The following NUBPL variants were observed in gnomAD, a reference collection of about 807,000 sequenced individuals.
NUBPL encodes iron-sulfur cluster transfer protein NUBPL.
NUBPL carries 31 observed loss-of-function variants against 45.7 expected under a neutral mutation model. The observed-to-expected ratio is 0.68, with a 90% CI of 0.51 to 0.92. The LOEUF (loss-of-function observed/expected upper bound fraction) is 0.92, where lower values mean the gene tolerates loss of function less well. Among genes scored for constraint, NUBPL ranks in the 40% least tolerant of loss-of-function variants. The pLI, the probability that NUBPL is intolerant of heterozygous loss-of-function variation, is 0.00. For synonymous variants in NUBPL, 144 were observed against 140.9 expected (o/e 1.02, Z -0.15); for missense variants, 401 against 398.7 (o/e 1.01, Z -0.05).
intron 10 of NUBPL, among the ~76,000 whole-genome samples, chr14:31,854,221 A>G (rs745815229): frequency 5.3e-5 from 8 of 152,220 alleles, no homozygotes; most frequent in Non-Finnish European, 1.0e-4. Flanking sequence ...AGTTAATGGC[A>G]TAGCGGACAG....
At chr14:31,846,739 G>A (rs1595706512) in intron 9 of NUBPL, 148 bp downstream of exon 9, 6 of 1,271,994 alleles carry the variant, frequency 4.7e-6, no homozygotes, top group Admixed American at 2.0e-5. Flanking sequence ...GACAGATCAC[G>A]AGGTCAGGAG....
intron 3 of NUBPL, among the ~76,000 whole-genome samples, chr14:31,573,835 T>C (rs1331785586): frequency 1.3e-5 from 2 of 152,224 alleles, no homozygotes; most frequent in African/African-American, 4.8e-5. Flanking sequence ...AAAGTTTGTT[T>C]ACTATCTCCT....
At chr14:31,668,657 G>T (rs1328823348) in intron 4 of NUBPL, among the ~76,000 whole-genome samples, 1 of 152,200 alleles carries the variant, frequency 6.6e-6, no homozygotes, top group Non-Finnish European at 1.5e-5. Context: ...GCCCAGTTTT[G>T]TGCTTGAAAC....
At chr14:31,716,733 C>T (rs1853302681) in intron 6 of NUBPL, among the ~76,000 whole-genome samples, 1 of 152,296 alleles carries the variant, frequency 6.6e-6, no homozygotes, top group South Asian at 2.1e-4. Flanking sequence ...ATGGATATCT[C>T]AAAGTCCCAA....
intron 6 of NUBPL, among the ~76,000 whole-genome samples, chr14:31,787,550 GGAT>G (rs2039306081): frequency 1.3e-5 from 2 of 152,128 alleles, no homozygotes; most frequent in South Asian, 4.1e-4. Flanking sequence ...GTGTGTATGC[GGAT>G]GAGTCATCTG....
At chr14:31,652,095 C>CAT (rs1467237470) in intron 4 of NUBPL, among the ~76,000 whole-genome samples, 1 of 151,836 alleles carries the variant, frequency 6.6e-6, no homozygotes, top group Non-Finnish European at 1.5e-5. Flanking sequence ...CAGAATATAT[C>CAT]ATATATATAC....
chr14:31,821,295 A>C (rs1203711700), intron 7 of NUBPL, among the ~76,000 whole-genome samples: 1 of 152,180 alleles, frequency 6.6e-6, no homozygotes, highest in African/African-American at 2.4e-5. Context: ...TCAACTGACA[A>C]AGGATTTATA....
At chr14:31,806,500 T>C (rs1251537813) in intron 7 of NUBPL, among the ~76,000 whole-genome samples, 2 of 152,188 alleles carry the variant, frequency 1.3e-5, no homozygotes, top group African/African-American at 4.8e-5. Flanking sequence ...TAGAGCCATA[T>C]GTGTACAAGT....
At chr14:31,668,281 C>T (rs188062510) in intron 4 of NUBPL, among the ~76,000 whole-genome samples, 493 of 152,322 alleles carry the variant, frequency 3.2e-3, no homozygotes, top group Middle Eastern at 0.024. Flanking sequence ...TCTAGAGAGG[C>T]AGTCTGCCCA....
At chr14:31,633,212 C>T (rs2035390900) in intron 4 of NUBPL, among the ~76,000 whole-genome samples, 1 of 152,208 alleles carries the variant, frequency 6.6e-6, no homozygotes. Flanking sequence ...TGACCTACCT[C>T]TCTGCAGCAG....
At chr14:31,844,143 A>G (rs971786656) in intron 8 of NUBPL, 1 of 152,196 alleles carries the variant, frequency 6.6e-6, no homozygotes, top group Non-Finnish European at 1.5e-5. Flanking sequence ...TGTAAATCAC[A>G]CAAACTGCAA....
intron 4 of NUBPL, among the ~76,000 whole-genome samples, chr14:31,632,330 G>T (rs547935270): frequency 6.6e-6 from 1 of 152,276 alleles, no homozygotes; most frequent in Non-Finnish European, 1.5e-5. Context: ...GACACTTGGT[G>T]GAGGACCTAG....
chr14:31,750,301 G>A (rs941214860), intron 6 of NUBPL, among the ~76,000 whole-genome samples: 3 of 148,238 alleles, frequency 2.0e-5, no homozygotes, highest in Admixed American at 6.7e-5. Context: ...CAGCCTCTCC[G>A]AGTAGCTGGG....
At chr14:31,651,816 A>G (rs1356355549) in intron 4 of NUBPL, among the ~76,000 whole-genome samples, 1 of 151,504 alleles carries the variant, frequency 6.6e-6, no homozygotes. Context: ...GGAGAATGGC[A>G]TGAACCTGGG....
chr14:31,803,162 C>A (rs1181162396), intron 7 of NUBPL, among the ~76,000 whole-genome samples: 1 of 152,086 alleles, frequency 6.6e-6, no homozygotes, highest in Non-Finnish European at 1.5e-5. Flanking sequence ...CTTATTGTTG[C>A]CAAGTTAAAT....
chr14:31,716,920 C>A (rs1359231058), intron 6 of NUBPL, among the ~76,000 whole-genome samples: 1 of 152,148 alleles, frequency 6.6e-6, no homozygotes, highest in Admixed American at 6.5e-5. Context: ...TCATTTCTCC[C>A]ATCTCTGCTG....
At chr14:31,693,803 A>T (rs1221974430) in intron 6 of NUBPL, among the ~76,000 whole-genome samples, 2 of 117,190 alleles carry the variant, frequency 1.7e-5, no homozygotes, top group Non-Finnish European at 3.8e-5. Context: ...ACAAAATTAA[A>T]AAAAAAAAAA....
intron 4 of NUBPL, among the ~76,000 whole-genome samples, chr14:31,608,235 G>A (rs1294866242): frequency 6.6e-6 from 1 of 152,158 alleles, no homozygotes; most frequent in Admixed American, 6.6e-5. Flanking sequence ...TACAGGAGAT[G>A]TTAAAGGGAA....
At chr14:31,821,953 G>A (rs1001057188) in intron 7 of NUBPL, among the ~76,000 whole-genome samples, 2 of 152,184 alleles carry the variant, frequency 1.3e-5, no homozygotes, top group Non-Finnish European at 2.9e-5. Context: ...AACATTGCAT[G>A]TTCTCACTTA....
Sources: gnomAD v4.1 joint callset for allele counts (sites outside exome capture counted in the v4.1 genomes callset) on GRCh38, gnomAD v4.1.1 for gene constraint, MANE v1.5 for transcripts, NCBI Gene and HGNC (gene_info 2026-07-23, HGNC 2026-07-21) for gene names.